The following NSD2 variants were observed in gnomAD, a reference collection of about 807,000 sequenced individuals.
NSD2 encodes nuclear receptor binding SET domain protein 2.
Under a neutral mutation model 139.0 loss-of-function variants are expected in NSD2, and 12 were observed. That is an observed-to-expected ratio of 0.09 (90% CI 0.06 to 0.14). The LOEUF (loss-of-function observed/expected upper bound fraction) is 0.14, where lower values mean the gene tolerates loss of function less well. Ranked by LOEUF, NSD2 falls within the 10% of genes least tolerant of loss-of-function variation. NSD2 has a pLI of 1.00. For synonymous variants in NSD2, 669 were observed against 648.7 expected, an observed-to-expected ratio of 1.03 and a Z score of -0.48; for missense variants, 1,155 against 1,745.0, an observed-to-expected ratio of 0.66 and a Z score of 6.02.
At chr4:1,898,239 A>T (rs1179836888) in intron 1 of NSD2, among the ~76,000 whole-genome samples, 1 of 152,110 alleles carries the variant, frequency 6.6e-6, no homozygotes, top group African/African-American at 2.4e-5. Flanking sequence ...GGTGCACATC[A>T]CCACGACTGG....
Position 1,883,540 on chromosome 4 carries a change from G to T in NSD2, c.-30+11998G>T, listed in dbSNP as rs372604083. On this transcript the variant is annotated intron_variant, in intron 1 of 21. Coordinates refer to ENST00000508803, the MANE Select transcript of NSD2 (RefSeq NM_001042424.3). ...CCAGCTACTCAGGAGGCTGAGGCAC[G>T]AGAATTGCTTGAACCAGAAGGTGGA... Among the ~76,000 whole-genome samples, 23 of 151,436 alleles carry T rather than the reference G, an allele frequency of 1.5e-4. No individual in the cohort carries two copies. In the East Asian group the frequency reaches 4.5e-3, roughly 29 times the overall value.
intron 1 of NSD2, among the ~76,000 whole-genome samples, chr4:1,871,764 G>A (rs1367467877): frequency 6.7e-6 from 1 of 149,878 alleles, no homozygotes; most frequent in Admixed American, 6.6e-5. Flanking sequence ...GGGACCGCGA[G>A]GACCGCGGAG....
rs1290861908 is a variant in NSD2, at chr4:1,976,500, A to G, written c.3647A>G (p.Glu1216Gly). 1.2e-6 allele frequency: 2 copies of G among 1,613,706 alleles called. No homozygotes were observed. Among genetic ancestry groups the G allele is most frequent in the Admixed American group, 1.7e-5 (1 of 59,928 alleles). ...PKTSTTLSSE[E>G]KGKKTKKKTR... ...ACCTCGACGACCCTTTCATCAGAGG[A>G]AAAGGGCAAAAAGACCAAGAAGAAA... Residue 1216 changes from glutamate (E) to glycine (G), a missense_variant, in exon 21 of 22, where the codon GAA becomes GGA. Around this residue, in one of 8 missense-constraint regions of NSD2, gnomAD observed 39 missense variants for 43.5 expected, o/e 0.90. Transcript: ENST00000508803. This position sits in a 1 kb window ranked among gnomAD's most constrained non-coding sequence, Gnocchi z 5.3.
intron 1 of NSD2, among the ~76,000 whole-genome samples, chr4:1,872,276 C>T (rs1194807094): frequency 6.6e-6 from 1 of 152,150 alleles, no homozygotes; most frequent in Admixed American, 6.5e-5. Flanking sequence ...ATGTTCCCCT[C>T]GCCCCAGGAT....
chr4:1,879,444 C>T (rs1347457951), intron 1 of NSD2, among the ~76,000 whole-genome samples: 1 of 152,182 alleles, frequency 6.6e-6, no homozygotes, highest in Admixed American at 6.5e-5. Flanking sequence ...TGGTCTCAAT[C>T]TCCTGACCTT....
Position 1,948,202 on chromosome 4 carries a change from G to T in NSD2, c.1882-2870G>T. The T allele has an allele frequency of 9.4e-7, 1 of 1,064,112 alleles. No individual in the cohort carries two copies. Among genetic ancestry groups the T allele is most frequent in the South Asian group, 4.6e-5 (1 of 21,968 alleles). The allele number at this position is 1,064,112 out of a possible 1,614,324, so 65.9% of individuals were successfully genotyped here. A position where few individuals can be genotyped will look rare whatever the true frequency, so the allele number is the denominator to read the frequency against. ...AAGCTGCTCGGAGCTCAGTGCCGCAGCATGGCTGTGGTGGACGCGGGAAAC... is the reference window on the plus strand; with the variant it reads ...AAGCTGCTCGGAGCTCAGTGCCGCATCATGGCTGTGGTGGACGCGGGAAAC... On this transcript the variant is annotated intron_variant, in intron 9 of 21. Coordinates refer to ENST00000508803, the MANE Select transcript of NSD2 (RefSeq NM_001042424.3). This position sits in a 1 kb window ranked among gnomAD's most constrained non-coding sequence, Gnocchi z 4.5.
chr4:1,946,347 AAC>A, intron 9 of NSD2: 3 of 549,254 alleles, frequency 5.5e-6, no homozygotes, highest in Non-Finnish European at 7.1e-6. Context: ...GGCTCACTGC[AAC>A]CTCCGCCTCC....
chr4:1,874,644 G>A (rs1022056174), intron 1 of NSD2, among the ~76,000 whole-genome samples: 4 of 152,128 alleles, frequency 2.6e-5, no homozygotes, highest in African/African-American at 4.8e-5. Flanking sequence ...AAATGGCTTG[G>A]CTAAGGTCAC....
chr4:1,886,152 G>A (rs902209623), intron 1 of NSD2, among the ~76,000 whole-genome samples: 2 of 152,132 alleles, frequency 1.3e-5, no homozygotes, highest in South Asian at 2.1e-4. Flanking sequence ...AGTCCCTGCT[G>A]TACTCCCCTT....
At chr4:1,922,600 G>A (rs549560366) in intron 5 of NSD2, among the ~76,000 whole-genome samples, 46 of 152,302 alleles carry the variant, frequency 3.0e-4, no homozygotes, top group South Asian at 6.2e-4. Context: ...CTGAGGATTT[G>A]CTCTACCAGA....
chr4:1,915,256 C>T (rs527658002), intron 3 of NSD2, among the ~76,000 whole-genome samples: 1 of 151,702 alleles, frequency 6.6e-6, no homozygotes, highest in Non-Finnish European at 1.5e-5. Flanking sequence ...GCTGAGGCTA[C>T]AGGCGCCCAC....
intron 20 of NSD2, 173 bp downstream of exon 20, chr4:1,975,573 G>A: frequency 1.7e-6 from 1 of 603,220 alleles, no homozygotes; most frequent in East Asian, 2.8e-5. Flanking sequence ...AAGGCCAGTG[G>A]TTAAGAGTTC....
At chr4:1,935,583 G>A (rs1217827078) in intron 7 of NSD2, among the ~76,000 whole-genome samples, 2 of 152,178 alleles carry the variant, frequency 1.3e-5, no homozygotes, top group African/African-American at 4.8e-5. Flanking sequence ...TCTTTGGCCG[G>A]GTGTGGTGGC....
At chr4:1,953,088 A>T (rs1724447386) in intron 11 of NSD2, 1 of 1,490,598 alleles carries the variant, frequency 6.7e-7, no homozygotes. Context: ...GCCTAGTAAG[A>T]TTCTCCTGTA....
intron 6 of NSD2, among the ~76,000 whole-genome samples, chr4:1,934,709 G>A (rs1325145944): frequency 2.7e-5 from 4 of 148,194 alleles, no homozygotes; most frequent in African/African-American, 9.9e-5. Flanking sequence ...TTAGCTGGGC[G>A]TGGTGGCACG....
rs1725050420 is a variant in NSD2 at position 1,958,486 on chromosome 4, G to A, written c.2985+450G>A. 1.3e-5 allele frequency among the ~76,000 whole-genome samples: 2 copies of A among 152,218 alleles called. No individual in the cohort carries two copies. The highest frequency in any genetic ancestry group is 2.1e-4 in the South Asian group (1 of 4,834). On this transcript the variant is annotated intron_variant, in intron 16 of 21. Transcript: ENST00000508803. The surrounding 1 kb of genome is among the most constrained non-coding windows in gnomAD (Gnocchi z 4.6). ...GTTCTGTGTTTATTCCAGTGAGCTC[G>A]AGAGCCCCAGCAGGAGGAAGTGCAG...
Position 1,981,217 on chromosome 4 carries a change from AAACT to A in NSD2, c.*2311_*2314del, listed in dbSNP as rs1416147678. ...TTTCTCCCCCTTTCCAAAAACTGTT[AAACT>A]AATGAGCAAGTAACACTAACTTTGA... On this transcript the variant is annotated 3_prime_UTR_variant, in exon 22 of 22. Transcript: ENST00000508803. 4.3e-6 allele frequency: 1 copy of A among 233,224 alleles called. No homozygotes were observed. Among genetic ancestry groups the A allele is most frequent in the Non-Finnish European group, 8.5e-6 (1 of 118,064 alleles). The allele number at this position is 233,224 out of a possible 1,614,324, so 14.4% of individuals were successfully genotyped here.
intron 19 of NSD2, 70 bp downstream of exon 19, chr4:1,975,074 G>C: frequency 6.2e-7 from 1 of 1,605,468 alleles, no homozygotes; most frequent in Non-Finnish European, 8.5e-7. Flanking sequence ...TGAGGGCTGC[G>C]TGGGGCTGGA....
At chr4:1,881,097 C>T (rs1280136816) in intron 1 of NSD2, among the ~76,000 whole-genome samples, 4 of 151,856 alleles carry the variant, frequency 2.6e-5, no homozygotes, top group South Asian at 2.1e-4. Flanking sequence ...TACATCAGGA[C>T]TTCAGGGCTG....
Sources: allele counts gnomAD v4.1 joint callset (sites outside exome capture counted in the v4.1 genomes callset), GRCh38; gene constraint gnomAD v4.1.1; regional missense constraint gnomAD v4.1.1; non-coding constraint Gnocchi (gnomAD v3.1); transcripts MANE v1.5; gene names NCBI Gene and HGNC (gene_info 2026-07-23, HGNC 2026-07-21).